LAPTM4A: variants seen among roughly 807,000 people sequenced by gnomAD.
LAPTM4A encodes the protein lysosomal protein transmembrane 4 alpha.
A neutral mutation model predicts 29.9 loss-of-function variants in LAPTM4A; 19 were observed. The ratio of observed to expected loss-of-function variants is 0.64; its 90% CI spans 0.44 to 0.93. LAPTM4A has a LOEUF of 0.93. Among genes scored for constraint, LAPTM4A ranks in the 40% least tolerant of loss-of-function variants. The pLI is 0.00. For missense variants in LAPTM4A, 293 were observed against 288.5 expected (o/e 1.02, Z -0.11); for synonymous variants, 105 against 102.1 (o/e 1.03, Z -0.17).
At chr2:20,038,366 G>A (rs561489335) in intron 2 of LAPTM4A, among the ~76,000 whole-genome samples, 33 of 152,214 alleles carry the variant, frequency 2.2e-4, no homozygotes, top group Admixed American at 7.2e-4. Context: ...ATTCTAAACC[G>A]TGCCTGACTT....
intron 2 of LAPTM4A, among the ~76,000 whole-genome samples, chr2:20,037,843 A>G (rs547833301): frequency 6.6e-6 from 1 of 152,108 alleles, no homozygotes; most frequent in South Asian, 2.1e-4. Context: ...CGCTCCAACG[A>G]CTCACTGACA....
chr2:20,041,516 T>TTGTGTG (rs372627922), intron 1 of LAPTM4A, among the ~76,000 whole-genome samples: 1 of 151,392 alleles, frequency 6.6e-6, no homozygotes, highest in African/African-American at 2.4e-5. Flanking sequence ...AGTCTTACTT[T>TTGTGTG]TGTGTGTGTG....
At chr2:20,049,680 CTCT>C (rs377293237) in intron 1 of LAPTM4A, among the ~76,000 whole-genome samples, 2 of 152,182 alleles carry the variant, frequency 1.3e-5, no homozygotes, top group African/African-American at 4.8e-5. Context: ...TGGTGGTATT[CTCT>C]TCTTGAGGAG....
intron 6 of LAPTM4A, 82 bp downstream of exon 6, chr2:20,034,235 A>G: frequency 1.1e-6 from 1 of 948,860 alleles, no homozygotes; most frequent in Non-Finnish European, 1.7e-6. Context: ...ACAGCATGAA[A>G]GAGAAAGTCA....
intron 2 of LAPTM4A, among the ~76,000 whole-genome samples, chr2:20,039,170 G>A (rs1164443326): frequency 6.6e-6 from 1 of 152,164 alleles, no homozygotes; most frequent in African/African-American, 2.4e-5. Context: ...ACCTGCCTCG[G>A]CCTCCCAAAG....
In LAPTM4A at chr2:20,050,907, C is replaced by CAAGA. The variant is rs567253236; in HGVS notation, c.111+502_111+503insTCTT. ...CAAAACAAAGTCCAAGAAACGCGGA[C>CAAGA]AACCGGGTTACCGCTGGATCTTTCG... On this transcript the variant is annotated intron_variant, in intron 1 of 6. Transcript: ENST00000175091. 1.4e-4 allele frequency among the ~76,000 whole-genome samples: 22 copies of CAAGA among 152,354 alleles called. 1 individual carries two copies. The East Asian group carries it at 3.7e-3, about 25-fold the overall frequency.
At chr2:20,049,277 TA>T (rs1390791522) in intron 1 of LAPTM4A, among the ~76,000 whole-genome samples, 1 of 152,230 alleles carries the variant, frequency 6.6e-6, no homozygotes, top group Non-Finnish European at 1.5e-5. Context: ...AGGTGGTCAG[TA>T]AATCTCTTAA....
chr2:20,041,143 A>C, intron 1 of LAPTM4A, 132 bp from the exon 2 acceptor site: 1 of 713,342 alleles, frequency 1.4e-6, no homozygotes, highest in Non-Finnish European at 2.3e-6. Context: ...GTGGGAGACT[A>C]CCTGTGAGAT....
At chr2:20,034,557 G>A (rs1673640216) in intron 5 of LAPTM4A, 142 bp from the exon 6 acceptor site, 1 of 638,916 alleles carries the variant, frequency 1.6e-6, no homozygotes, top group Non-Finnish European at 2.8e-6. Flanking sequence ...GCACAGGCCA[G>A]GCCCTTTCCC....
At chr2:20,044,091 T>C (rs547976053) in intron 1 of LAPTM4A, among the ~76,000 whole-genome samples, 35 of 152,356 alleles carry the variant, frequency 2.3e-4, no homozygotes, top group African/African-American at 7.7e-4. Flanking sequence ...CTTTCAATTC[T>C]TGAGAGGACT....
intron 1 of LAPTM4A, among the ~76,000 whole-genome samples, chr2:20,050,519 T>C (rs1353313324): frequency 4.6e-5 from 7 of 152,340 alleles, no homozygotes; most frequent in Non-Finnish European, 1.0e-4. Context: ...AACCTAAAAC[T>C]ACCTAAACTG....
intron 1 of LAPTM4A, among the ~76,000 whole-genome samples, chr2:20,048,195 C>A (rs1308664422): frequency 6.6e-6 from 1 of 152,208 alleles, no homozygotes; most frequent in Non-Finnish European, 1.5e-5. Flanking sequence ...ATATCTACTA[C>A]AGCACACTTT....
Position 20,032,825 on chromosome 2 carries a change from A to G in LAPTM4A, c.*380T>C, listed in dbSNP as rs1673591766. 5.4e-6 allele frequency: 1 copy of G among 185,794 alleles called. No individual in the cohort carries two copies. Among genetic ancestry groups the G allele is most frequent in the Non-Finnish European group, 1.1e-5 (1 of 87,924 alleles). 11.5% of individuals were successfully genotyped at this position (185,794 alleles called of 1,614,324 possible). On this transcript the variant is annotated 3_prime_UTR_variant, in exon 7 of 7. Coordinates refer to ENST00000175091, the MANE Select transcript of LAPTM4A (RefSeq NM_014713.5). ...AACTACTTACTCACCCCGAATATTT[A>G]AGTCAGTCTTCCTGAAAGTACTCAG... is the stretch of plus-strand genomic sequence containing the variant.
At chr2:20,047,726 C>T (rs928806253) in intron 1 of LAPTM4A, among the ~76,000 whole-genome samples, 4 of 142,624 alleles carry the variant, frequency 2.8e-5, no homozygotes, top group South Asian at 2.3e-4. Context: ...AGTTTTACCA[C>T]GAAAACATGT....
chr2:20,043,885 C>G (rs894576516), intron 1 of LAPTM4A, among the ~76,000 whole-genome samples: 1 of 152,238 alleles, frequency 6.6e-6, no homozygotes. Flanking sequence ...ATGGGAGAAT[C>G]AGGACACAAG....
chr2:20,040,790 C>A (rs1019447749), intron 2 of LAPTM4A, 101 bp downstream of exon 2: 7 of 1,091,676 alleles, frequency 6.4e-6, no homozygotes, highest in Non-Finnish European at 9.5e-6. Context: ...ACAATATCAC[C>A]CAGTGACATT....
intron 4 of LAPTM4A, among the ~76,000 whole-genome samples, chr2:20,035,450 C>G (rs138857288): frequency 3.4e-4 from 52 of 152,284 alleles, no homozygotes; most frequent in Admixed American, 2.9e-3. Context: ...TACAGATAAA[C>G]TGGGCCATTT....
At chr2:20,047,583 G>A (rs996670545) in intron 1 of LAPTM4A, among the ~76,000 whole-genome samples, 3 of 150,058 alleles carry the variant, frequency 2.0e-5, no homozygotes, top group African/African-American at 7.3e-5. Context: ...CCAGCTACTC[G>A]GGAGGCTGAG....
chr2:20,033,091 CAA>C lies in LAPTM4A; in HGVS notation c.*112_*113del, dbSNP rs1673598736. The stretch of plus-strand genomic sequence containing the variant: ...TAGTGTTTGAAAATAAATGCTTAAA[CAA>C]AAGACAACATATTTTATATCAAACA... On this transcript the variant is annotated 3_prime_UTR_variant, in exon 7 of 7. Transcript: ENST00000175091. 2 of 861,698 alleles carry C rather than the reference CAA, an allele frequency of 2.3e-6. No homozygotes were observed. The highest frequency in any genetic ancestry group is 3.1e-5 in the South Asian group (2 of 65,466). The allele number at this position is 861,698 out of a possible 1,614,324, so 53.4% of individuals were successfully genotyped here.
Sources: allele counts gnomAD v4.1 joint callset (sites outside exome capture counted in the v4.1 genomes callset), GRCh38; gene constraint gnomAD v4.1.1; transcripts MANE v1.5; gene names NCBI Gene and HGNC (gene_info 2026-07-23, HGNC 2026-07-21).